Variants in KIAA1671 observed in about 807,000 individuals in gnomAD.
The protein encoded by KIAA1671 is KIAA1671, also known as uncharacterized protein KIAA1671.
In KIAA1671, 52 loss-of-function variants were observed where a neutral mutation model predicts 131.2. The ratio of observed to expected loss-of-function variants is 0.40; its 90% CI spans 0.32 to 0.50. The LOEUF is 0.50. Among genes scored for constraint, KIAA1671 ranks in the 20% least tolerant of loss-of-function variants. The probability of loss-of-function intolerance (pLI) is 0.73; values close to 1 mark genes in which losing one functional copy is unlikely to be tolerated. For synonymous variants in KIAA1671, 1,003 were observed against 961.6 expected (o/e 1.04, Z -0.80); for missense variants, 2,360 against 2,364.2 (o/e 1.00, Z 0.04).
At chr22:25,178,774 C>A (rs1018774172) in intron 9 of KIAA1671, among the ~76,000 whole-genome samples, 1 of 152,064 alleles carries the variant, frequency 6.6e-6, no homozygotes, top group African/African-American at 2.4e-5. Context: ...AAAGCTGCAG[C>A]CCCCACCCAC....
intron 6 of KIAA1671, chr22:25,102,963 G>C (rs1411281076): frequency 6.6e-6 from 1 of 152,632 alleles, no homozygotes; most frequent in Non-Finnish European, 1.5e-5. Context: ...TCATGAGCCA[G>C]CCCTTCCCAC....
At chr22:25,154,457 A>G (rs1601363267) in intron 6 of KIAA1671, among the ~76,000 whole-genome samples, 1 of 152,194 alleles carries the variant, frequency 6.6e-6, no homozygotes, top group Non-Finnish European at 1.5e-5. Flanking sequence ...CCAAAGATAT[A>G]CCATCCACTT....
At position 25,105,822 on chromosome 22, in the gene KIAA1671, G is replaced by GC. The variant is rs58164737; in HGVS notation, c.4530+56458_4530+56459insC. ...TAGCTTGTCACAGGTATGAAGTTGG[G>GC]GGGGGGGGGTGCCAAACTCCACCAC... On this transcript the variant is annotated intron_variant, in intron 6 of 12. Transcript: ENST00000358431. 5.3e-4 allele frequency among the ~76,000 whole-genome samples: 40 copies of GC among 75,062 alleles called. No homozygotes were observed. The East Asian group carries it at 0.015, about 29-fold the overall frequency. The allele number at this position is 75,062 out of a possible 152,430, so 49.2% of individuals were successfully genotyped here. A position where few individuals can be genotyped will look rare whatever the true frequency, so the allele number is the denominator to read the frequency against.
intron 6 of KIAA1671, 108 bp from the exon 7 acceptor site, chr22:25,170,712 G>T: frequency 9.4e-7 from 1 of 1,067,932 alleles, no homozygotes; most frequent in Non-Finnish European, 1.4e-6. Context: ...GCGGGTTGCT[G>T]GGATGGGTTT....
intron 6 of KIAA1671, among the ~76,000 whole-genome samples, chr22:25,075,121 C>G (rs886187731): frequency 6.6e-6 from 1 of 152,258 alleles, no homozygotes. Context: ...AAACTCCAGA[C>G]TAAATTCCAG....
chr22:25,115,102 G>A (rs1211285684), intron 6 of KIAA1671, among the ~76,000 whole-genome samples: 1 of 152,220 alleles, frequency 6.6e-6, no homozygotes, highest in Non-Finnish European at 1.5e-5. Flanking sequence ...GGGATAAAAG[G>A]GGGAAAGAGG....
intron 1 of KIAA1671, among the ~76,000 whole-genome samples, chr22:24,996,707 C>T (rs1924157894): frequency 6.6e-6 from 1 of 152,128 alleles, no homozygotes; most frequent in Admixed American, 6.5e-5. Flanking sequence ...GTAAGTAGCC[C>T]CTCGTGTCCC....
chr22:25,026,566 A>G (rs1168658042), intron 2 of KIAA1671, among the ~76,000 whole-genome samples: 1 of 152,116 alleles, frequency 6.6e-6, no homozygotes, highest in Non-Finnish European at 1.5e-5. Flanking sequence ...CCCCACCTCT[A>G]CTAAAACCAC....
chr22:25,093,804 C>CTCTT (rs1930225972), intron 6 of KIAA1671, among the ~76,000 whole-genome samples: 1 of 137,790 alleles, frequency 7.3e-6, no homozygotes, highest in African/African-American at 2.7e-5. Flanking sequence ...CTCTCTCTCT[C>CTCTT]TCTCTCTGTC....
chr22:24,978,998 AT>A (rs200245806), intron 1 of KIAA1671, among the ~76,000 whole-genome samples: 19,390 of 125,088 alleles, frequency 0.16, 1,534 homozygotes, highest in East Asian at 0.46. Context: ...CATCTTAATC[AT>A]TTTTTTTTTT....
At chr22:25,169,511 C>T (rs774321431) in intron 6 of KIAA1671, among the ~76,000 whole-genome samples, 2 of 151,648 alleles carry the variant, frequency 1.3e-5, no homozygotes, top group Non-Finnish European at 2.9e-5. Context: ...AGTGTGCCAA[C>T]GGCCCATCCA....
chr22:24,986,642 C>T (rs1260913259), intron 1 of KIAA1671, among the ~76,000 whole-genome samples: 3 of 126,134 alleles, frequency 2.4e-5, no homozygotes, highest in East Asian at 5.0e-4. Flanking sequence ...CACCCACCCA[C>T]CCATCCACCC....
chr22:24,966,678 C>T lies in KIAA1671; in HGVS notation c.-208+13906C>T, dbSNP rs979497302. On this transcript the variant is annotated intron_variant, in intron 1 of 12. Transcript: ENST00000358431. Reference sequence around the variant, plus strand: ...GTATTAAAATGAGTCCTGGGCTGGGCATGGTGGCTCATGCCTGTAATCTTA... The same window carrying T: ...GTATTAAAATGAGTCCTGGGCTGGGTATGGTGGCTCATGCCTGTAATCTTA... 8.5e-5 allele frequency among the ~76,000 whole-genome samples: 13 copies of T among 152,242 alleles called. No individual in the cohort carries two copies. The South Asian group carries it at 2.7e-3, about 32-fold the overall frequency.
chr22:25,012,121 A>G (rs1455905597), intron 1 of KIAA1671: 1 of 152,088 alleles, frequency 6.6e-6, no homozygotes, highest in Non-Finnish European at 1.5e-5. Flanking sequence ...GAGAGCTTGC[A>G]TCTGCACTGT....
intron 1 of KIAA1671, among the ~76,000 whole-genome samples, chr22:24,974,309 A>G (rs570500923): frequency 1.3e-5 from 2 of 152,232 alleles, no homozygotes; most frequent in Admixed American, 1.3e-4. Context: ...GATGATGGTG[A>G]CAGGTACCAA....
rs1489733768 is a variant in KIAA1671, at chr22:25,040,967, G to T, written c.3837G>T (p.Gln1279His). The T allele has an allele frequency of 3.4e-6, 5 of 1,475,712 alleles. No homozygotes were observed. Among genetic ancestry groups the T allele is most frequent in the Non-Finnish European group, 4.5e-6 (5 of 1,112,580 alleles). 91.4% of individuals were successfully genotyped at this position (1,475,712 alleles called of 1,614,324 possible). A position where few individuals can be genotyped will look rare whatever the true frequency, so the allele number is the denominator to read the frequency against. ...NHSFTPGLGK[Q>H]LAETLETAMG... The stretch of plus-strand genomic sequence containing the variant: ...GTTTCACTCCTGGCTTAGGCAAGCA[G>T]CTGGCAGAGACCTTGGAGACAGCCA... Residue 1279 changes from glutamine to histidine, a missense_variant, in exon 5 of 13, where the codon CAG becomes CAT. By Grantham distance (24) the Gln-to-His change is conservative. Coordinates refer to ENST00000358431, the MANE Select transcript of KIAA1671 (RefSeq NM_001145206.2).
chr22:25,095,114 A>G (rs1930331819), intron 6 of KIAA1671, among the ~76,000 whole-genome samples: 1 of 152,198 alleles, frequency 6.6e-6, no homozygotes, highest in African/African-American at 2.4e-5. Context: ...GGCCTCATGC[A>G]GTCATTTCCT....
chr22:25,189,396 A>G (rs935788798), intron 11 of KIAA1671, among the ~76,000 whole-genome samples: 5 of 151,892 alleles, frequency 3.3e-5, no homozygotes, highest in African/African-American at 9.7e-5. Flanking sequence ...GATGGTCTTG[A>G]TCTCCTGACC....
chr22:25,139,330 C>T (rs1364284026), intron 6 of KIAA1671, among the ~76,000 whole-genome samples: 1 of 152,210 alleles, frequency 6.6e-6, no homozygotes, highest in Non-Finnish European at 1.5e-5. Flanking sequence ...GAATCAGAAG[C>T]AGGCCTCCCT....
Sources: allele counts gnomAD v4.1 joint callset (sites outside exome capture counted in the v4.1 genomes callset), GRCh38; gene constraint gnomAD v4.1.1; transcripts MANE v1.5; gene names NCBI Gene and HGNC (gene_info 2026-07-23, HGNC 2026-07-21).